SDC2: variants seen among roughly 807,000 people sequenced by gnomAD.
The protein encoded by SDC2 is syndecan-2.
A neutral mutation model predicts 22.2 loss-of-function variants in SDC2; 13 were observed. The ratio of observed to expected loss-of-function variants is 0.59; its 90% CI spans 0.38 to 0.93. The LOEUF is 0.93. Among genes scored for constraint, SDC2 ranks in the 40% least tolerant of loss-of-function variants. The probability of loss-of-function intolerance (pLI) is 0.00; values close to 1 mark genes in which losing one functional copy is unlikely to be tolerated. For synonymous variants in SDC2, 94 were observed against 92.8 expected (o/e 1.01, Z -0.07); for missense variants, 235 against 246.8 (o/e 0.95, Z 0.32).
chr8:96,508,458 A>C (rs576007330), intron 1 of SDC2, among the ~76,000 whole-genome samples: 1,669 of 151,884 alleles, frequency 0.011, 15 homozygotes, highest in Non-Finnish European at 0.019. Context: ...GAGCCACTGC[A>C]CTCCAGCCTG....
chr8:96,606,216 T>A (rs1489724806), intron 3 of SDC2, among the ~76,000 whole-genome samples: 2 of 152,144 alleles, frequency 1.3e-5, no homozygotes, highest in African/African-American at 4.8e-5. Flanking sequence ...CTCCAACTCC[T>A]GGGATCAAGA....
chr8:96,532,453 GA>G (rs1195909250), intron 1 of SDC2, among the ~76,000 whole-genome samples: 4 of 106,418 alleles, frequency 3.8e-5, no homozygotes, highest in Non-Finnish European at 7.3e-5. Context: ...CTTTGTTTGG[GA>G]AAAAAAAGAA....
At chr8:96,539,898 T>G (rs1813817389) in intron 1 of SDC2, among the ~76,000 whole-genome samples, 1 of 152,166 alleles carries the variant, frequency 6.6e-6, no homozygotes, top group South Asian at 2.1e-4. Flanking sequence ...TGATATAAAT[T>G]AACTTATCCT....
At chr8:96,576,368 G>GTTTGTTTTTTTTTTTTTTTTTTTTTTT (rs1554604650) in intron 1 of SDC2, among the ~76,000 whole-genome samples, 1 of 16,598 alleles carries the variant, frequency 6.0e-5, no homozygotes, top group African/African-American at 1.2e-4. Flanking sequence ...TTGGTAGTTT[G>GTTTGTTTTTTTTTTTTTTTTTTTTTTT]TTTTTGTTTT....
chr8:96,575,074 G>A (rs934348364), intron 1 of SDC2, among the ~76,000 whole-genome samples: 1 of 152,164 alleles, frequency 6.6e-6, no homozygotes, highest in African/African-American at 2.4e-5. Flanking sequence ...AATGCTCACT[G>A]GCGGCTCACC....
At chr8:96,582,615 C>T (rs550493021) in intron 1 of SDC2, among the ~76,000 whole-genome samples, 4 of 152,300 alleles carry the variant, frequency 2.6e-5, no homozygotes, top group African/African-American at 9.6e-5. Flanking sequence ...ACTGTGTCCA[C>T]TTATAGGCTT....
intron 2 of SDC2, among the ~76,000 whole-genome samples, chr8:96,594,836 C>T (rs1814845535): frequency 1.3e-5 from 2 of 152,178 alleles, no homozygotes; most frequent in African/African-American, 4.8e-5. Context: ...ATGGTGGCAG[C>T]AGGGAGAAGT....
intron 1 of SDC2, among the ~76,000 whole-genome samples, chr8:96,536,274 C>T (rs943656636): frequency 6.6e-6 from 1 of 152,030 alleles, no homozygotes; most frequent in African/African-American, 2.4e-5. Context: ...AGAGGCTGCA[C>T]TCTGATGATT....
At chr8:96,494,406 G>C in intron 1 of SDC2, 75 bp downstream of exon 1, 1 of 1,430,138 alleles carries the variant, frequency 7.0e-7, no homozygotes, top group Non-Finnish European at 9.4e-7. Context: ...CAGGGAATAG[G>C]GGAGCGCCAC....
intron 1 of SDC2, among the ~76,000 whole-genome samples, chr8:96,546,493 AAGAT>A (rs1481170799): frequency 6.6e-6 from 1 of 152,186 alleles, no homozygotes; most frequent in Non-Finnish European, 1.5e-5. Flanking sequence ...CCCAGACCAT[AAGAT>A]AGAATGATAG....
At chr8:96,507,571 T>G (rs984721568) in intron 1 of SDC2, among the ~76,000 whole-genome samples, 8 of 152,142 alleles carry the variant, frequency 5.3e-5, no homozygotes, top group African/African-American at 1.9e-4. Context: ...TAGAGTTGAT[T>G]TGTAAGTCTT....
chr8:96,588,565 G>T (rs1814724922), intron 1 of SDC2, among the ~76,000 whole-genome samples: 1 of 152,174 alleles, frequency 6.6e-6, no homozygotes, highest in African/African-American at 2.4e-5. Flanking sequence ...AAAACAGGAG[G>T]CATCATCTAG....
intron 1 of SDC2, among the ~76,000 whole-genome samples, chr8:96,593,250 T>A (rs1814814938): frequency 6.6e-6 from 1 of 152,196 alleles, no homozygotes; most frequent in Non-Finnish European, 1.5e-5. Flanking sequence ...GTTTTCATTC[T>A]ACTGGTTTAA....
intron 4 of SDC2, 151 bp from the exon 5 acceptor site, chr8:96,609,234 C>A: frequency 1.9e-6 from 1 of 534,316 alleles, no homozygotes; most frequent in Non-Finnish European, 3.1e-6. Flanking sequence ...TGCATAGTTA[C>A]CAGGTTGCTT....
At chr8:96,501,150 G>T (rs1180182745) in intron 1 of SDC2, among the ~76,000 whole-genome samples, 3 of 151,780 alleles carry the variant, frequency 2.0e-5, no homozygotes, top group Admixed American at 6.6e-5. Flanking sequence ...GATTACACAG[G>T]TATATTAAAT....
chr8:96,510,411 T>G (rs937430882), intron 1 of SDC2, among the ~76,000 whole-genome samples: 2 of 152,204 alleles, frequency 1.3e-5, no homozygotes, highest in Admixed American at 1.3e-4. Flanking sequence ...TAGTTCATGC[T>G]TAAGCACAAA....
At chr8:96,592,681 C>T (rs1814802088) in intron 1 of SDC2, among the ~76,000 whole-genome samples, 1 of 152,200 alleles carries the variant, frequency 6.6e-6, no homozygotes. Context: ...AGCTGTGGAA[C>T]TGGTATACTT....
chr8:96,584,389 G>C (rs1055253125), intron 1 of SDC2, among the ~76,000 whole-genome samples: 1 of 152,228 alleles, frequency 6.6e-6, no homozygotes, highest in Non-Finnish European at 1.5e-5. Context: ...TTGGGGCCTA[G>C]AATTGTAGCA....
chr8:96,551,884 A>G (rs940204110), intron 1 of SDC2, among the ~76,000 whole-genome samples: 5 of 151,946 alleles, frequency 3.3e-5, no homozygotes, highest in Middle Eastern at 3.4e-3. Flanking sequence ...CTTTCTCCCA[A>G]TCTCCTCTTC....
Sources: gnomAD v4.1 joint callset for allele counts (sites outside exome capture counted in the v4.1 genomes callset) on GRCh38, gnomAD v4.1.1 for gene constraint, MANE v1.5 for transcripts, NCBI Gene and HGNC (gene_info 2026-07-23, HGNC 2026-07-21) for gene names.